The following CRHBP variants were observed in gnomAD, a reference collection of about 807,000 sequenced individuals.
The protein encoded by CRHBP is corticotropin-releasing hormone-binding protein.
In CRHBP, 19 loss-of-function variants were observed where a neutral mutation model predicts 34.9. The observed-to-expected ratio is 0.55, with a 90% CI of 0.38 to 0.80. CRHBP has a LOEUF of 0.80. Among genes scored for constraint, CRHBP ranks in the 30% least tolerant of loss-of-function variants. The pLI, the probability that CRHBP is intolerant of heterozygous loss-of-function variation, is 0.00. For synonymous variants in CRHBP, 154 were observed against 153.4 expected (o/e 1.00, Z -0.03); for missense variants, 328 against 409.2 (o/e 0.80, Z 1.71).
At chr5:76,956,129 C>G (rs1268568933) in intron 4 of CRHBP, among the ~76,000 whole-genome samples, 1 of 152,208 alleles carries the variant, frequency 6.6e-6, no homozygotes, top group African/African-American at 2.4e-5. Flanking sequence ...CTGAGCTTCT[C>G]AGGTTCTACA....
chr5:76,953,830 G>C (rs1361482534), intron 2 of CRHBP, 136 bp downstream of exon 2: 2 of 1,181,096 alleles, frequency 1.7e-6, no homozygotes, highest in African/African-American at 1.6e-5. Flanking sequence ...CCTTAGCTAA[G>C]GATCGGTCCG....
intron 4 of CRHBP, among the ~76,000 whole-genome samples, chr5:76,956,862 G>A (rs1031832595): frequency 6.6e-6 from 1 of 152,106 alleles, no homozygotes; most frequent in African/African-American, 2.4e-5. Flanking sequence ...CACTTCATGC[G>A]GCTGAAAGAT....
At chr5:76,965,481 G>A (rs551559462) in intron 6 of CRHBP, among the ~76,000 whole-genome samples, 1 of 152,250 alleles carries the variant, frequency 6.6e-6, no homozygotes, top group East Asian at 1.9e-4. Flanking sequence ...CAGTGCATGC[G>A]GCTTCTTTAG....
At chr5:76,963,283 A>C in intron 5 of CRHBP, 60 bp from the exon 6 acceptor site, 1 of 1,448,178 alleles carries the variant, frequency 6.9e-7, no homozygotes, top group South Asian at 1.1e-5. Flanking sequence ...CTGTTGGTCA[A>C]ATGGTTTGAC....
intron 3 of CRHBP, among the ~76,000 whole-genome samples, chr5:76,980,747 G>T (rs1349044863): frequency 6.6e-6 from 1 of 152,192 alleles, no homozygotes; most frequent in Non-Finnish European, 1.5e-5. Context: ...GAAAAAGACG[G>T]AGTTTCCCCA....
intron 3 of CRHBP, among the ~76,000 whole-genome samples, chr5:76,955,150 T>A (rs977997721): frequency 3.3e-5 from 5 of 152,238 alleles, no homozygotes; most frequent in African/African-American, 1.2e-4. Flanking sequence ...TAATATGTGA[T>A]GATATTTTTA....
chr5:76,975,940 A>G (rs34925474), intron 2 of CRHBP, among the ~76,000 whole-genome samples: 28,688 of 138,804 alleles, frequency 0.21, 3,344 homozygotes, highest in East Asian at 0.37. Context: ...GTGTGTGTAT[A>G]TATATATATA....
At chr5:76,973,637 C>A (rs1417009239), downstream of CRHBP, among the ~76,000 whole-genome samples, 1 of 152,098 alleles carries the variant, frequency 6.6e-6, no homozygotes, top group African/African-American at 2.4e-5. Flanking sequence ...TCCATAATAA[C>A]AACTTAGTCT....
intron 2 of CRHBP, 124 bp from the exon 3 acceptor site, chr5:76,953,905 G>A (rs1745619655): frequency 1.6e-5 from 21 of 1,295,744 alleles, no homozygotes; most frequent in Non-Finnish European, 2.2e-5. Flanking sequence ...CGCAGCCTAG[G>A]CTGGAAGTCG....
chr5:76,977,763 T>C (rs1746062000), intron 3 of CRHBP, among the ~76,000 whole-genome samples: 1 of 152,166 alleles, frequency 6.6e-6, no homozygotes, highest in Admixed American at 6.5e-5. Context: ...TCACTTTAAG[T>C]CAAATGCTAG....
intron 2 of CRHBP, among the ~76,000 whole-genome samples, chr5:76,975,936 G>GTATA (rs10598432): frequency 8.6e-4 from 116 of 135,272 alleles, no homozygotes; most frequent in Middle Eastern, 7.5e-3. Context: ...ATGTGTGTGT[G>GTATA]TATATATATA....
At chr5:76,962,231 T>G (rs1329459554) in intron 5 of CRHBP, among the ~76,000 whole-genome samples, 2 of 152,010 alleles carry the variant, frequency 1.3e-5, no homozygotes, top group East Asian at 1.9e-4. Context: ...AAAAAGAGGA[T>G]CACAGGCAAA....
intron 6 of CRHBP, among the ~76,000 whole-genome samples, chr5:76,966,462 T>A (rs777392126): frequency 2.0e-5 from 3 of 152,154 alleles, no homozygotes; most frequent in Non-Finnish European, 4.4e-5. Context: ...CCTTGTGAGA[T>A]GTGGTGGAAG....
At chr5:76,953,918 G>C in intron 2 of CRHBP, 111 bp from the exon 3 acceptor site, 1 of 1,354,070 alleles carries the variant, frequency 7.4e-7, no homozygotes, top group Non-Finnish European at 9.9e-7. Flanking sequence ...GGAAGTCGGG[G>C]CGCTGGGCAC....
Position 76,958,856 on chromosome 5 carries a change from T to C in CRHBP, c.660T>C (p.Leu220=). 6.2e-7 allele frequency: 1 copy of C among 1,614,070 alleles called. No homozygotes were observed. The highest frequency in any genetic ancestry group is 8.5e-7 in the Non-Finnish European group (1 of 1,179,982). Residue 220 remains leucine, a synonymous_variant, in exon 5 of 7, where the codon CTT becomes CTC. Transcript: ENST00000274368. ...CTGTGGTGATCAAAATATCTGATCT[T>C]ACCCTGGGACACGTAAATGGTCTTC... is the stretch of plus-strand genomic sequence containing the variant. The part of the protein sequence containing the change: ...IYPVVIKISD[L]TLGHVNGLQL...
chr5:76,957,423 G>T (rs532983993), intron 4 of CRHBP, among the ~76,000 whole-genome samples: 1 of 152,160 alleles, frequency 6.6e-6, no homozygotes, highest in Non-Finnish European at 1.5e-5. Context: ...GTGTTGCTCT[G>T]TCACCCATGC....
intron 3 of CRHBP, among the ~76,000 whole-genome samples, chr5:76,977,243 A>G (rs1281847170): frequency 1.3e-5 from 2 of 152,256 alleles, no homozygotes; most frequent in Non-Finnish European, 2.9e-5. Context: ...TTCTTGAATC[A>G]TAGTAAAAGC....
chr5:76,959,038 C>T, intron 5 of CRHBP, 149 bp downstream of exon 5: 1 of 709,656 alleles, frequency 1.4e-6, no homozygotes, highest in South Asian at 2.9e-5. Context: ...TTTGCCCTAG[C>T]TGCTTTGACT....
At chr5:76,955,576 T>C in intron 3 of CRHBP, 77 bp from the exon 4 acceptor site, 2 of 1,350,138 alleles carry the variant, frequency 1.5e-6, no homozygotes, top group Non-Finnish European at 2.1e-6. Flanking sequence ...TGGATGACTT[T>C]CCCCCCCTTT....
Sources: gnomAD v4.1 joint callset for allele counts (sites outside exome capture counted in the v4.1 genomes callset) on GRCh38, gnomAD v4.1.1 for gene constraint, MANE v1.5 for transcripts, NCBI Gene and HGNC (gene_info 2026-07-23, HGNC 2026-07-21) for gene names.